Variants in PPP2R2C observed in about 807,000 individuals in gnomAD.
PPP2R2C encodes protein phosphatase 2 regulatory subunit Bgamma, also known as protein phosphatase 2, regulatory subunit B, gamma.
In PPP2R2C, 10 loss-of-function variants were observed where a neutral mutation model predicts 45.3. That is an observed-to-expected ratio of 0.22 (90% CI 0.14 to 0.37). The LOEUF is 0.37. PPP2R2C is among the 10% of genes least tolerant of loss of function. The pLI is 1.00. For missense variants in PPP2R2C, 308 were observed against 619.7 expected (o/e 0.50, Z 5.34); for synonymous variants, 257 against 245.4 (o/e 1.05, Z -0.44).
chr4:6,367,301 T>C (rs1006535883), intron 5 of PPP2R2C, among the ~76,000 whole-genome samples: 5 of 152,124 alleles, frequency 3.3e-5, no homozygotes, highest in African/African-American at 4.8e-5. Flanking sequence ...TGATTGGACT[T>C]AGGAGATGCG....
intron 2 of PPP2R2C, among the ~76,000 whole-genome samples, chr4:6,530,574 C>T (rs770902032): frequency 3.3e-5 from 5 of 152,094 alleles, no homozygotes; most frequent in African/African-American, 7.3e-5. Flanking sequence ...GCCCGCTGTC[C>T]GGGTAACAAC....
Position 6,345,803 on chromosome 4 carries a change from C to T in PPP2R2C, c.790+2043G>A, listed in dbSNP as rs948378636. ...TTGTTGTGGCGCACAGGACGCAGCC[C>T]CGAGCCCCCTGCACCCCGGGAATCT... On this transcript the variant is annotated intron_variant, in intron 6 of 8. Coordinates refer to ENST00000382599, the MANE Select transcript of PPP2R2C (RefSeq NM_020416.4). The surrounding 1 kb of genome is among the most constrained non-coding windows in gnomAD (Gnocchi z 5.3). Among the ~76,000 whole-genome samples, 2 of 152,146 alleles carry T rather than the reference C, an allele frequency of 1.3e-5. No individual in the cohort carries two copies. Among genetic ancestry groups the T allele is most frequent in the African/African-American group, 4.8e-5 (2 of 41,434 alleles).
intron 1 of PPP2R2C, among the ~76,000 whole-genome samples, chr4:6,558,231 A>C (rs568995098): frequency 6.6e-6 from 1 of 152,198 alleles, no homozygotes; most frequent in Non-Finnish European, 1.5e-5. Context: ...GTTCTCCATA[A>C]GTGCCAGCTA....
At chr4:6,490,172 C>T (rs1410875605) in intron 2 of PPP2R2C, among the ~76,000 whole-genome samples, 1 of 152,234 alleles carries the variant, frequency 6.6e-6, no homozygotes, top group Non-Finnish European at 1.5e-5. Context: ...CCCCACCTCC[C>T]ACCTGGGCCT....
At chr4:6,536,238 T>C (rs1724608453) in intron 1 of PPP2R2C, among the ~76,000 whole-genome samples, 1 of 152,180 alleles carries the variant, frequency 6.6e-6, no homozygotes, top group Non-Finnish European at 1.5e-5. Flanking sequence ...CAAAGTTTTA[T>C]GGGTAACTTC....
At chr4:6,409,763 T>C (rs1297655388) in intron 1 of PPP2R2C, among the ~76,000 whole-genome samples, 2 of 152,162 alleles carry the variant, frequency 1.3e-5, no homozygotes, top group Admixed American at 6.5e-5. Flanking sequence ...GAGCTGGGGA[T>C]AGAGCCAAGA....
chr4:6,532,734 C>T (rs970559974), intron 2 of PPP2R2C, among the ~76,000 whole-genome samples: 2 of 152,190 alleles, frequency 1.3e-5, no homozygotes, highest in African/African-American at 4.8e-5. Flanking sequence ...ACCCAGCAGC[C>T]GCCATCTGGA....
chr4:6,326,833 C>G (rs111727513), intron 8 of PPP2R2C, among the ~76,000 whole-genome samples: 28 of 152,214 alleles, frequency 1.8e-4, no homozygotes, highest in Non-Finnish European at 3.8e-4. Context: ...CAGGGGCCAT[C>G]GGGCAGCCAC....
At chr4:6,337,797 G>A (rs13109953) in intron 6 of PPP2R2C, among the ~76,000 whole-genome samples, 49 of 136,800 alleles carry the variant, frequency 3.6e-4, no homozygotes, top group Non-Finnish European at 6.2e-4. Context: ...GGCCCTTGTC[G>A]CCCCACTGCT....
intron 2 of PPP2R2C, among the ~76,000 whole-genome samples, chr4:6,509,301 G>T (rs941421645): frequency 6.6e-6 from 1 of 152,062 alleles, no homozygotes; most frequent in African/African-American, 2.4e-5. Context: ...TTGAGAAGTG[G>T]TATCTTCATC....
intron 2 of PPP2R2C, among the ~76,000 whole-genome samples, chr4:6,515,420 G>A (rs527458602): frequency 6.6e-6 from 1 of 152,336 alleles, no homozygotes; most frequent in Admixed American, 6.5e-5. Flanking sequence ...ACCAGCAAGA[G>A]CCTGGAAGTT....
intron 1 of PPP2R2C, among the ~76,000 whole-genome samples, chr4:6,555,197 A>T (rs961180699): frequency 4.0e-5 from 6 of 151,602 alleles, no homozygotes; most frequent in Non-Finnish European, 1.5e-5. Context: ...TGACCTAATC[A>T]CCTCCCAAAG....
At chr4:6,469,921 G>C (rs1193153770) in intron 1 of PPP2R2C, among the ~76,000 whole-genome samples, 1 of 152,202 alleles carries the variant, frequency 6.6e-6, no homozygotes, top group Non-Finnish European at 1.5e-5. Flanking sequence ...GCACACACTG[G>C]CACTCGGTCT....
intron 2 of PPP2R2C, among the ~76,000 whole-genome samples, chr4:6,498,545 G>A (rs73086193): frequency 0.031 from 4,677 of 152,248 alleles, 254 homozygotes; most frequent in African/African-American, 0.11. Context: ...AAATAGCAAT[G>A]GGGTGGAGAT....
intron 1 of PPP2R2C, among the ~76,000 whole-genome samples, chr4:6,392,453 C>T (rs918497002): frequency 1.3e-5 from 2 of 151,970 alleles, no homozygotes; most frequent in Non-Finnish European, 2.9e-5. Flanking sequence ...GTGGGAGGGG[C>T]TGTTTTAGCT....
intron 2 of PPP2R2C, among the ~76,000 whole-genome samples, chr4:6,496,281 GAAA>G (rs1267315150): frequency 6.6e-6 from 1 of 152,182 alleles, no homozygotes; most frequent in Admixed American, 6.5e-5. Flanking sequence ...TCCTAACTTT[GAAA>G]GAAACACATT....
At chr4:6,369,455 T>C (rs1714619530) in intron 5 of PPP2R2C, among the ~76,000 whole-genome samples, 3 of 152,238 alleles carry the variant, frequency 2.0e-5, no homozygotes, top group African/African-American at 7.2e-5. Context: ...GAAAATTACT[T>C]CGGCAAAAAT....
chr4:6,517,614 A>G (rs1723864486), intron 2 of PPP2R2C, among the ~76,000 whole-genome samples: 1 of 152,054 alleles, frequency 6.6e-6, no homozygotes, highest in Non-Finnish European at 1.5e-5. Context: ...CACAACTAGG[A>G]AAAAAAAGAC....
intron 1 of PPP2R2C, among the ~76,000 whole-genome samples, chr4:6,437,689 C>A (rs2055141371): frequency 6.6e-6 from 1 of 152,256 alleles, no homozygotes; most frequent in African/African-American, 2.4e-5. Context: ...GTACAGCGGC[C>A]AACAGTATGC....
Sources: allele counts gnomAD v4.1 joint callset (sites outside exome capture counted in the v4.1 genomes callset), GRCh38; gene constraint gnomAD v4.1.1; non-coding constraint Gnocchi (gnomAD v3.1); transcripts MANE v1.5; gene names NCBI Gene and HGNC (gene_info 2026-07-23, HGNC 2026-07-21).